Variants in SDHB observed in about 807,000 individuals in gnomAD.
SDHB encodes the protein succinate dehydrogenase [ubiquinone] iron-sulfur subunit, mitochondrial.
SDHB carries 21 observed loss-of-function variants against 39.7 expected under a neutral mutation model. That is an observed-to-expected ratio of 0.53 (90% confidence interval 0.37 to 0.76). The LOEUF is 0.76. Among genes scored for constraint, SDHB ranks in the 30% least tolerant of loss-of-function variants. SDHB has a pLI of 0.00. For synonymous variants in SDHB, 118 were observed against 117.0 expected (o/e 1.01, Z -0.06); for missense variants, 343 against 350.9 (o/e 0.98, Z 0.18).
chr1:17,047,693 AAAAAG>A (rs1219779998), intron 1 of SDHB, among the ~76,000 whole-genome samples: 2 of 151,694 alleles, frequency 1.3e-5, no homozygotes, highest in Non-Finnish European at 2.9e-5. Context: ...AAAAAAAAAA[AAAAAG>A]AGAGAGAGTT....
intron 2 of SDHB, among the ~76,000 whole-genome samples, chr1:17,043,718 A>G (rs10887992): frequency 0.42 from 63,965 of 151,974 alleles, 15,119 homozygotes; most frequent in Non-Finnish European, 0.54. Flanking sequence ...TGTGAAGAAG[A>G]ACTCAACCTG....
At chr1:17,049,215 T>C (rs1044696548) in intron 1 of SDHB, among the ~76,000 whole-genome samples, 5 of 152,164 alleles carry the variant, frequency 3.3e-5, no homozygotes, top group African/African-American at 1.2e-4. Flanking sequence ...GGTATGGAAT[T>C]TCTGGGCTTA....
chr1:17,024,123 G>A (rs1017592223), intron 5 of SDHB, 49 bp from the exon 6 acceptor site: 1 of 1,289,850 alleles, frequency 7.8e-7, no homozygotes, highest in African/African-American at 1.5e-5. Context: ...GAGAGACTCT[G>A]CTATGTCTTC....
At chr1:17,044,686 A>G in intron 2 of SDHB, 75 bp downstream of exon 2, 1 of 1,532,130 alleles carries the variant, frequency 6.5e-7, no homozygotes, top group South Asian at 1.1e-5. Context: ...TAAGCCTTCC[A>G]AGGATGTGAA....
intron 1 of SDHB, among the ~76,000 whole-genome samples, chr1:17,046,522 A>G (rs549104057): frequency 2.4e-4 from 37 of 152,274 alleles, no homozygotes; most frequent in Non-Finnish European, 4.1e-4. Context: ...GATGGCAAAC[A>G]TAAGTCCCCT....
chr1:17,027,335 G>A (rs948268720), intron 5 of SDHB, among the ~76,000 whole-genome samples: 2 of 152,184 alleles, frequency 1.3e-5, no homozygotes, highest in African/African-American at 2.4e-5. Context: ...ACTCTGTTTT[G>A]CCATTAACAT....
intron 4 of SDHB, 64 bp downstream of exon 4, chr1:17,028,536 G>A (rs1371787357): frequency 1.4e-5 from 22 of 1,563,990 alleles, no homozygotes; most frequent in African/African-American, 6.8e-5. Context: ...AACTAATAGC[G>A]TAACACACAT....
intron 5 of SDHB, among the ~76,000 whole-genome samples, chr1:17,024,530 C>T (rs981517885): frequency 6.6e-6 from 1 of 152,208 alleles, no homozygotes; most frequent in Non-Finnish European, 1.5e-5. Flanking sequence ...TCCCCAGTGA[C>T]TGCCACTGCC....
At chr1:17,050,789 A>C (rs762691063) in intron 1 of SDHB, among the ~76,000 whole-genome samples, 1 of 152,168 alleles carries the variant, frequency 6.6e-6, no homozygotes, top group Non-Finnish European at 1.5e-5. Context: ...GCTCATCTTG[A>C]GGTCTGTACA....
At position 17,023,905 on chromosome 1, in the gene SDHB, T is replaced by C. The variant is rs368047751; in HGVS notation, c.642+68A>G. The C allele has an allele frequency of 5.1e-5, 62 of 1,204,078 alleles. No individual in the cohort carries two copies. The East Asian group carries it at 1.2e-3, about 24-fold the overall frequency. The allele number at this position is 1,204,078 out of a possible 1,614,324, so 74.6% of individuals were successfully genotyped here. On this transcript the variant is annotated intron_variant, in intron 6 of 7. Transcript: ENST00000375499. Reference sequence around the variant, plus strand: ...TCAGAATGGCTGGCTTACAGCAATCTATTGTCCTCTTGGACTTCTGGATGC... The same window carrying C: ...TCAGAATGGCTGGCTTACAGCAATCCATTGTCCTCTTGGACTTCTGGATGC...
chr1:17,032,886 C>T, intron 3 of SDHB, 174 bp downstream of exon 3: 1 of 673,576 alleles, frequency 1.5e-6, no homozygotes, highest in Non-Finnish European at 2.7e-6. Context: ...CCAGAACTTG[C>T]ACCATGGTTA....
rs559119493 is a variant in SDHB at position 17,025,797 on chromosome 1, A to T, written c.541-1723T>A. ...AAAATGTTAAATGTTTGGTATGTAA[A>T]TGAGTAAATGAGTAAATTTCTATTA... On this transcript the variant is annotated intron_variant, in intron 5 of 7. Coordinates refer to ENST00000375499, the MANE Select transcript of SDHB (RefSeq NM_003000.3). Among the ~76,000 whole-genome samples, 3 of 152,300 alleles carry T rather than the reference A, an allele frequency of 2.0e-5. 1 individual carries two copies. The South Asian group carries it at 6.2e-4, about 32-fold the overall frequency.
intron 2 of SDHB, among the ~76,000 whole-genome samples, chr1:17,038,978 T>C (rs1002951596): frequency 2.0e-5 from 3 of 152,184 alleles, no homozygotes; most frequent in Non-Finnish European, 4.4e-5. Flanking sequence ...TTTTCAAATG[T>C]ATTTCTTTAT....
intron 7 of SDHB, 126 bp downstream of exon 7, chr1:17,022,482 C>T: frequency 7.7e-7 from 1 of 1,303,630 alleles, no homozygotes; most frequent in Non-Finnish European, 1.1e-6. Flanking sequence ...AAAGGACAGG[C>T]ATATGCTGGT....
chr1:17,024,680 G>A (rs1000582771), intron 5 of SDHB, among the ~76,000 whole-genome samples: 2 of 152,204 alleles, frequency 1.3e-5, no homozygotes, highest in African/African-American at 2.4e-5. Flanking sequence ...GCCCAGGGAC[G>A]TGCCACTATA....
At position 17,049,162 on chromosome 1, in the gene SDHB, G is replaced by A. The variant is rs554110345; in HGVS notation, c.73-4274C>T. Among the ~76,000 whole-genome samples, 7 of 152,222 alleles carry A rather than the reference G, an allele frequency of 4.6e-5. No homozygotes were observed. The South Asian group carries it at 1.5e-3, about 32-fold the overall frequency. On this transcript the variant is annotated intron_variant, in intron 1 of 7. Transcript: ENST00000375499. ...CTATAGGTGCACACCATCATGTCCA[G>A]CTAATTTTTGTAGAGACAGGGTCTT...
chr1:17,044,739 T>C (rs1019515880), intron 2 of SDHB, 22 bp downstream of exon 2: 2 of 1,613,208 alleles, frequency 1.2e-6, no homozygotes, highest in Non-Finnish European at 1.7e-6. Context: ...CTTCAATAGC[T>C]GGCTTTCACA....
intron 3 of SDHB, among the ~76,000 whole-genome samples, chr1:17,031,698 A>C (rs1027255182): frequency 1.3e-5 from 2 of 152,228 alleles, no homozygotes; most frequent in African/African-American, 4.8e-5. Flanking sequence ...AACAGATAAA[A>C]AGCCATGGGC....
At chr1:17,042,245 C>T (rs1233196084) in intron 2 of SDHB, among the ~76,000 whole-genome samples, 1 of 152,204 alleles carries the variant, frequency 6.6e-6, no homozygotes. Flanking sequence ...TTGGACTTGT[C>T]CTCAGCAAAA....
Sources: gnomAD v4.1 joint callset for allele counts (sites outside exome capture counted in the v4.1 genomes callset) on GRCh38, gnomAD v4.1.1 for gene constraint, MANE v1.5 for transcripts, NCBI Gene and HGNC (gene_info 2026-07-23, HGNC 2026-07-21) for gene names.